CADPS2: variants seen among roughly 807,000 people sequenced by gnomAD.
CADPS2 encodes calcium dependent secretion activator 2.
CADPS2 carries 93 observed loss-of-function variants against 172.5 expected under a neutral mutation model. That is an observed-to-expected ratio of 0.54 (90% CI 0.46 to 0.64). The LOEUF (loss-of-function observed/expected upper bound fraction) is 0.64, where lower values mean the gene tolerates loss of function less well. CADPS2 is among the 30% of genes least tolerant of loss of function. The pLI is 0.00. For missense variants in CADPS2, 1,420 were observed against 1,565.9 expected (o/e 0.91, Z 1.57); for synonymous variants, 546 against 555.2 (o/e 0.98, Z 0.23).
intron 14 of CADPS2, among the ~76,000 whole-genome samples, chr7:122,466,720 C>T (rs2055185886): frequency 6.6e-6 from 1 of 152,118 alleles, no homozygotes; most frequent in African/African-American, 2.4e-5. Flanking sequence ...TTTATTTGAC[C>T]TATTTAGGAA....
chr7:122,778,563 T>C (rs1319617496), intron 1 of CADPS2, among the ~76,000 whole-genome samples: 2 of 152,078 alleles, frequency 1.3e-5, no homozygotes, highest in African/African-American at 4.8e-5. Flanking sequence ...AAAAATGGTT[T>C]TGTGGACCTG....
At chr7:122,659,891 A>G (rs537819142) in intron 3 of CADPS2, among the ~76,000 whole-genome samples, 2 of 152,332 alleles carry the variant, frequency 1.3e-5, no homozygotes, top group South Asian at 4.1e-4. Context: ...TCTAACAGAT[A>G]ATTCTATATC....
intron 1 of CADPS2, among the ~76,000 whole-genome samples, chr7:122,833,264 C>G (rs1461399441): frequency 2.0e-5 from 3 of 152,178 alleles, no homozygotes; most frequent in Non-Finnish European, 2.9e-5. Flanking sequence ...TTAAGTACTA[C>G]TAAAATTGAC....
At chr7:122,534,133 T>G (rs2062018795) in intron 8 of CADPS2, among the ~76,000 whole-genome samples, 1 of 152,108 alleles carries the variant, frequency 6.6e-6, no homozygotes, top group African/African-American at 2.4e-5. Flanking sequence ...GTCTGAACAT[T>G]TGCTGATCTG....
intron 2 of CADPS2, among the ~76,000 whole-genome samples, chr7:122,697,240 T>A (rs879328515): frequency 2.0e-5 from 3 of 152,056 alleles, no homozygotes; most frequent in Non-Finnish European, 2.9e-5. Context: ...ACAGAACTAT[T>A]TATCAAGAAT....
intron 8 of CADPS2, among the ~76,000 whole-genome samples, chr7:122,523,885 C>T (rs925429977): frequency 8.6e-5 from 13 of 152,012 alleles, no homozygotes; most frequent in Non-Finnish European, 1.9e-4. Context: ...CCCCCTCTAC[C>T]CCAACCAGGC....
At chr7:122,875,090 T>C (rs1447046777) in intron 1 of CADPS2, among the ~76,000 whole-genome samples, 1 of 152,202 alleles carries the variant, frequency 6.6e-6, no homozygotes, top group Non-Finnish European at 1.5e-5. Context: ...TTTTCCTCAA[T>C]ACAAAGCAAT....
intron 6 of CADPS2, among the ~76,000 whole-genome samples, chr7:122,605,625 T>C (rs1240198548): frequency 2.0e-5 from 3 of 152,158 alleles, no homozygotes; most frequent in Non-Finnish European, 2.9e-5. Context: ...AATGACCTTA[T>C]CAAAATTACC....
chr7:122,838,106 G>A (rs1299657346), intron 1 of CADPS2, among the ~76,000 whole-genome samples: 1 of 152,176 alleles, frequency 6.6e-6, no homozygotes, highest in Non-Finnish European at 1.5e-5. Context: ...TCATCCCTGG[G>A]ATGCAAGGCT....
rs571192950 is a variant in CADPS2, at chr7:122,730,782, C to G, written c.453+6173G>C. 4.9e-4 allele frequency among the ~76,000 whole-genome samples: 74 copies of G among 151,578 alleles called. 2 individuals carry two copies. Among genetic ancestry groups the G allele is most frequent in the Middle Eastern group, 3.4e-3 (1 of 290 alleles). The stretch of plus-strand genomic sequence containing the variant: ...TATTTTTAGAGCAGTTTTAGGATGA[C>G]AAAAACATTTCTTATTTTAAATATT... On this transcript the variant is annotated intron_variant, in intron 2 of 29. Transcript: ENST00000449022.
intron 6 of CADPS2, among the ~76,000 whole-genome samples, chr7:122,610,915 G>A (rs914818007): frequency 1.4e-4 from 22 of 152,120 alleles, no homozygotes; most frequent in Admixed American, 1.0e-3. Flanking sequence ...GGAGTGACAT[G>A]GTAGGACCTG....
At chr7:122,776,904 A>T (rs1285462904) in intron 1 of CADPS2, among the ~76,000 whole-genome samples, 1 of 152,174 alleles carries the variant, frequency 6.6e-6, no homozygotes, top group Non-Finnish European at 1.5e-5. Context: ...TAATGCCAGC[A>T]CTTTGGGAGA....
chr7:122,496,461 C>T (rs1032595574), intron 9 of CADPS2, among the ~76,000 whole-genome samples: 1 of 152,070 alleles, frequency 6.6e-6, no homozygotes, highest in African/African-American at 2.4e-5. Flanking sequence ...CACGCCTGGC[C>T]TTGATTGTTT....
At chr7:122,715,907 C>T (rs558667303) in intron 2 of CADPS2, among the ~76,000 whole-genome samples, 1 of 151,940 alleles carries the variant, frequency 6.6e-6, no homozygotes, top group African/African-American at 2.4e-5. Flanking sequence ...ATCTACAATT[C>T]AATATGAAAA....
At position 122,319,357 on chromosome 7, in the gene CADPS2, CTG is replaced by C. The variant is rs1479291735; in HGVS notation, c.*806_*807del. The C allele has an allele frequency of 1.1e-4, 17 of 152,308 alleles. No homozygotes were observed. The South Asian group carries it at 3.5e-3, about 32-fold the overall frequency. 9.4% of individuals were successfully genotyped at this position (152,308 alleles called of 1,614,324 possible). A position where few individuals can be genotyped will look rare whatever the true frequency, so the allele number is the denominator to read the frequency against. Reference sequence around the variant, plus strand: ...TTTGAAACACTGCAAACCTCTTTTACTGCATTTGCTCTATATAAGTCTAATAA... The same window carrying C: ...TTTGAAACACTGCAAACCTCTTTTACCATTTGCTCTATATAAGTCTAATAA... On this transcript the variant is annotated 3_prime_UTR_variant, in exon 30 of 30. Transcript: ENST00000449022.
chr7:122,879,190 T>C (rs1171870336), intron 1 of CADPS2, among the ~76,000 whole-genome samples: 1 of 145,934 alleles, frequency 6.9e-6, no homozygotes, highest in Non-Finnish European at 1.5e-5. Context: ...TGAGCCAACA[T>C]GGCACCACTG....
chr7:122,421,481 G>GA (rs2048523748), intron 17 of CADPS2, among the ~76,000 whole-genome samples: 1 of 152,104 alleles, frequency 6.6e-6, no homozygotes, highest in African/African-American at 2.4e-5. Flanking sequence ...TAGGGAGCAT[G>GA]AAAAAATAAT....
chr7:122,861,754 T>C (rs76424547), intron 1 of CADPS2, among the ~76,000 whole-genome samples: 1,874 of 152,400 alleles, frequency 0.012, 38 homozygotes, highest in African/African-American at 0.043. Flanking sequence ...TTACGCACTA[T>C]GCGTATATAT....
chr7:122,506,018 A>G (rs974465086), intron 9 of CADPS2, among the ~76,000 whole-genome samples: 7 of 152,102 alleles, frequency 4.6e-5, no homozygotes, highest in African/African-American at 1.4e-4. Flanking sequence ...GAGAAATTGT[A>G]CTCAGACCTG....
Sources: allele counts gnomAD v4.1 joint callset (sites outside exome capture counted in the v4.1 genomes callset), GRCh38; gene constraint gnomAD v4.1.1; transcripts MANE v1.5; gene names NCBI Gene and HGNC (gene_info 2026-07-23, HGNC 2026-07-21).